DET1: variants seen among roughly 807,000 people sequenced by gnomAD.
DET1 encodes DET1 homolog.
DET1 carries 22 observed loss-of-function variants against 43.7 expected under a neutral mutation model. The observed-to-expected ratio is 0.50, with a 90% confidence interval of 0.36 to 0.72. The LOEUF (loss-of-function observed/expected upper bound fraction) is 0.72. Among genes scored for constraint, DET1 ranks in the 30% least tolerant of loss-of-function variants. The pLI, the probability that DET1 is intolerant of heterozygous loss-of-function variation, is 0.00. For synonymous variants in DET1, 315 were observed against 266.2 expected (o/e 1.18, Z -1.79); for missense variants, 713 against 713.3 (o/e 1.00, Z 0.00).
chr15:88,511,267 C>T (rs1408812109), downstream of DET1, among the ~76,000 whole-genome samples: 1 of 152,174 alleles, frequency 6.6e-6, no homozygotes, highest in East Asian at 1.9e-4. Flanking sequence ...ATCTTCTAGA[C>T]TGCTGAAAGT....
In DET1 at chr15:88,535,913, G is replaced by T. The variant is rs575563252; in HGVS notation, c.-10-4198C>A. ...TAAAGATATAAACTCCAATTCAAAA[G>T]GTTCAGAGACCCCCCAAATTCAGGA... On this transcript the variant is annotated intron_variant, in intron 1 of 4. Coordinates refer to ENST00000268148, the MANE Select transcript of DET1 (RefSeq NM_001144074.3). 2.1e-4 allele frequency among the ~76,000 whole-genome samples: 32 copies of T among 152,246 alleles called. No individual in the cohort carries two copies. The South Asian group carries it at 5.4e-3, about 26-fold the overall frequency.
downstream of DET1, among the ~76,000 whole-genome samples, chr15:88,511,122 T>A (rs1206612933): frequency 1.3e-5 from 2 of 152,116 alleles, no homozygotes; most frequent in Non-Finnish European, 2.9e-5. Context: ...TTTGCAACCC[T>A]ACATTTTTCA....
chr15:88,509,395 A>G (rs919130926), downstream of DET1, among the ~76,000 whole-genome samples: 4 of 152,220 alleles, frequency 2.6e-5, no homozygotes, highest in Non-Finnish European at 5.9e-5. Context: ...ACAAATAAGG[A>G]AAGTCTTACA....
chr15:88,530,250 C>T (rs1032405075), intron 2 of DET1, among the ~76,000 whole-genome samples: 1 of 152,108 alleles, frequency 6.6e-6, no homozygotes, highest in Non-Finnish European at 1.5e-5. Flanking sequence ...ATTCTCATTG[C>T]CAGAACTAAA....
rs900214546 is a variant in DET1 at position 88,504,697 on chromosome 15, C to T, written c.*2066-710G>A. 6.6e-6 allele frequency: 1 copy of T among 152,122 alleles called. No individual in the cohort carries two copies. The highest frequency in any genetic ancestry group is 1.5e-5 in the Non-Finnish European group (1 of 68,040). The allele number at this position is 152,122 out of a possible 1,614,324, so 9.4% of individuals were successfully genotyped here. A position where few individuals can be genotyped will look rare whatever the true frequency, so the allele number is the denominator to read the frequency against. On this transcript the variant is annotated intron_variant and NMD_transcript_variant, in intron 7 of 8. Transcript: ENST00000557842. This position sits in a 1 kb window ranked among gnomAD's most constrained non-coding sequence, Gnocchi z 4.7. ...GGCTCTCACACTCAGCCCTAATCAC[C>T]CCAGGGCCAGGTACCAGACAACCAG...
chr15:88,529,117 A>C (rs533030071), intron 2 of DET1, among the ~76,000 whole-genome samples: 87 of 152,356 alleles, frequency 5.7e-4, no homozygotes, highest in African/African-American at 2.1e-3. Context: ...AGAAAAAACT[A>C]GGCCACCTTT....
chr15:88,507,398 C>T (rs563457495), intron 7 of DET1, among the ~76,000 whole-genome samples: 24 of 152,318 alleles, frequency 1.6e-4, no homozygotes, highest in Admixed American at 1.5e-3. Context: ...TCTCATATAG[C>T]TTCAATATCT....
chr15:88,534,602 C>A (rs1339878683), intron 1 of DET1, among the ~76,000 whole-genome samples: 1 of 152,180 alleles, frequency 6.6e-6, no homozygotes, highest in Non-Finnish European at 1.5e-5. Context: ...CATGAACTCC[C>A]AAGCTGCACA....
chr15:88,524,124 G>A (rs1361950323), intron 3 of DET1, among the ~76,000 whole-genome samples: 4 of 149,936 alleles, frequency 2.7e-5, no homozygotes, highest in East Asian at 4.0e-4. Context: ...GCCTCTGCCC[G>A]GCCGCCCCGT....
chr15:88,535,853 C>A (rs971070514), intron 1 of DET1, among the ~76,000 whole-genome samples: 1 of 151,830 alleles, frequency 6.6e-6, no homozygotes, highest in African/African-American at 2.4e-5. Context: ...AGGAAGGAAG[C>A]AAGGGAAGGA....
intron 3 of DET1, among the ~76,000 whole-genome samples, chr15:88,523,672 C>T (rs1455676667): frequency 2.0e-5 from 3 of 152,236 alleles, no homozygotes; most frequent in Non-Finnish European, 2.9e-5. Context: ...AGCTCCTGAC[C>T]GCGAGTGATC....
At chr15:88,535,991 A>G (rs893148227) in intron 1 of DET1, among the ~76,000 whole-genome samples, 2 of 152,210 alleles carry the variant, frequency 1.3e-5, no homozygotes, top group Non-Finnish European at 2.9e-5. Flanking sequence ...GCCCAGGCAC[A>G]TCATAGCTAA....
chr15:88,521,192 T>A (rs2056481339), intron 3 of DET1, among the ~76,000 whole-genome samples: 1 of 152,186 alleles, frequency 6.6e-6, no homozygotes, highest in Non-Finnish European at 1.5e-5. Flanking sequence ...ATGCATCAGA[T>A]CTACCTCAGG....
At chr15:88,526,240 A>T (rs1192357197) in intron 3 of DET1, among the ~76,000 whole-genome samples, 1 of 152,218 alleles carries the variant, frequency 6.6e-6, no homozygotes, top group Non-Finnish European at 1.5e-5. Flanking sequence ...TGTTTTTCCC[A>T]GTGGCAGTAA....
downstream of DET1, among the ~76,000 whole-genome samples, chr15:88,512,148 G>C (rs948007260): frequency 1.3e-5 from 2 of 152,150 alleles, no homozygotes; most frequent in African/African-American, 4.8e-5. Context: ...TACAGTACGT[G>C]CTACACAGTA....
At chr15:88,507,483 T>C (rs544586292), downstream of DET1, among the ~76,000 whole-genome samples, 41 of 152,290 alleles carry the variant, frequency 2.7e-4, no homozygotes, top group African/African-American at 9.1e-4. Context: ...GTTCTGTCCA[T>C]CTCCCACACA....
At chr15:88,530,361 C>A (rs985200710) in intron 2 of DET1, among the ~76,000 whole-genome samples, 2 of 152,114 alleles carry the variant, frequency 1.3e-5, no homozygotes, top group Non-Finnish European at 2.9e-5. Context: ...CTCATGAGTA[C>A]TGAAAATACT....
chr15:88,526,578 C>G (rs1321224379), intron 3 of DET1, among the ~76,000 whole-genome samples: 3 of 152,024 alleles, frequency 2.0e-5, no homozygotes, highest in Admixed American at 6.5e-5. Flanking sequence ...GGTCAGTTTT[C>G]CTAGGGAAGA....
intron 2 of DET1, among the ~76,000 whole-genome samples, chr15:88,530,045 C>T (rs1045806341): frequency 2.0e-5 from 3 of 152,230 alleles, no homozygotes; most frequent in Non-Finnish European, 4.4e-5. Context: ...CTCTTCACTG[C>T]TCTACAACCT....
Sources: allele counts gnomAD v4.1 joint callset (sites outside exome capture counted in the v4.1 genomes callset), GRCh38; gene constraint gnomAD v4.1.1; non-coding constraint Gnocchi (gnomAD v3.1); transcripts MANE v1.5; gene names NCBI Gene and HGNC (gene_info 2026-07-23, HGNC 2026-07-21).